ERICH5: variants seen among roughly 807,000 people sequenced by gnomAD.
ERICH5 encodes the protein glutamate-rich protein 5.
A neutral mutation model predicts 28.0 loss-of-function variants in ERICH5; 24 were observed. The observed-to-expected ratio is 0.86, with a 90% confidence interval of 0.62 to 1.21. The LOEUF (loss-of-function observed/expected upper bound fraction) is 1.21, where lower values mean the gene tolerates loss of function less well. ERICH5 is among the 50% of genes most tolerant of loss of function. The probability of loss-of-function intolerance (pLI) is 0.00; values close to 1 mark genes in which losing one functional copy is unlikely to be tolerated. For synonymous variants in ERICH5, 163 were observed against 157.6 expected (o/e 1.03, Z -0.25); for missense variants, 421 against 441.2 (o/e 0.95, Z 0.41).
chr8:98,079,451 C>T (rs1815131141), intron 1 of ERICH5, among the ~76,000 whole-genome samples: 1 of 152,080 alleles, frequency 6.6e-6, no homozygotes, highest in African/African-American at 2.4e-5. Flanking sequence ...CAGAATGAAA[C>T]ATTTATTTAT....
At chr8:98,080,954 C>T (rs577821701) in intron 1 of ERICH5, among the ~76,000 whole-genome samples, 187 of 152,154 alleles carry the variant, frequency 1.2e-3, no homozygotes, top group African/African-American at 4.4e-3. Flanking sequence ...TTGCCCGCCT[C>T]GGCCTCCCAA....
intron 2 of ERICH5, among the ~76,000 whole-genome samples, chr8:98,091,846 TTCTTTCTTTC>T (rs1279873278): frequency 5.2e-5 from 4 of 76,990 alleles, no homozygotes; most frequent in African/African-American, 1.9e-4. Flanking sequence ...TTTTCTTTCT[TTCTTTCTTTC>T]TTTCTTTCTT....
Position 98,093,276 on chromosome 8 carries a change from G to C in ERICH5, c.1068G>C (p.Gly356=). ...TGGAGAATGAGAAAGTGAGTGAAGG[G>C]GCTGAAACCAAAGAAGAAGAAACAG... ...TDMENEKVSE[G]AETKEEETGE... is the part of the protein sequence containing the mutation. The change falls in exon 3 of 3, where the codon GGG becomes GGC. Residue 356 remains glycine (G), a synonymous_variant. Coordinates refer to ENST00000318528, the MANE Select transcript of ERICH5 (RefSeq NM_173549.3). The C allele has an allele frequency of 6.2e-7, 1 of 1,613,910 alleles. No homozygotes were observed. The highest frequency in any genetic ancestry group is 8.5e-7 in the Non-Finnish European group (1 of 1,179,918).
chr8:98,071,526 T>G (rs1036756525), intron 1 of ERICH5, among the ~76,000 whole-genome samples: 1 of 152,144 alleles, frequency 6.6e-6, no homozygotes, highest in African/African-American at 2.4e-5. Flanking sequence ...TTGCCGAGGC[T>G]GGAGTGCAAT....
Position 98,064,709 on chromosome 8 carries a change from A to C in ERICH5, c.40A>C (p.Ser14Arg), listed in dbSNP as rs560394444. ...CAGCGCCCTCAACAAGGCCGGCGAC[A>C]GCAGCAGGTTCCCCAGCGGTGAGCA... is the stretch of plus-strand genomic sequence containing the variant. ...SSSALNKAGD[S>R]SRFPSVTSNE... The change falls in exon 1 of 3, where the codon AGC (serine) becomes CGC (arginine). Residue 14 changes from serine (S) to arginine (R), a missense_variant. Coordinates refer to ENST00000318528, the MANE Select transcript of ERICH5 (RefSeq NM_173549.3). 41 of 1,534,704 alleles carry C rather than the reference A, an allele frequency of 2.7e-5. No individual in the cohort carries two copies. The South Asian group carries it at 4.7e-4, about 17-fold the overall frequency.
intron 1 of ERICH5, among the ~76,000 whole-genome samples, chr8:98,086,136 A>G (rs780851084): frequency 6.6e-6 from 1 of 152,196 alleles, no homozygotes; most frequent in African/African-American, 2.4e-5. Context: ...AACCACTAAA[A>G]TGACAGTAAA....
intron 2 of ERICH5, among the ~76,000 whole-genome samples, chr8:98,091,480 G>T (rs1563759270): frequency 6.6e-6 from 1 of 152,172 alleles, no homozygotes; most frequent in Non-Finnish European, 1.5e-5. Context: ...ATCAGGATTG[G>T]CAAACTCAAA....
At chr8:98,066,099 T>C (rs1310799694) in intron 1 of ERICH5, among the ~76,000 whole-genome samples, 1 of 152,220 alleles carries the variant, frequency 6.6e-6, no homozygotes, top group Non-Finnish European at 1.5e-5. Context: ...TCATTTCTAA[T>C]GCACAGTGCT....
intron 2 of ERICH5, among the ~76,000 whole-genome samples, chr8:98,091,286 T>C (rs150852911): frequency 5.3e-5 from 8 of 152,286 alleles, no homozygotes; most frequent in Non-Finnish European, 1.0e-4. Context: ...AAACATATGC[T>C]AGGTGCTGAG....
chr8:98,071,750 T>A (rs1289914891), intron 1 of ERICH5, among the ~76,000 whole-genome samples: 2 of 152,152 alleles, frequency 1.3e-5, no homozygotes, highest in East Asian at 3.8e-4. Flanking sequence ...TCAGGGCTAT[T>A]GCTGTTTTTC....
Position 98,081,987 on chromosome 8 carries a change from A to G in ERICH5, c.59-7089A>G, listed in dbSNP as rs1815191226. On this transcript the variant is annotated intron_variant, in intron 1 of 2. Transcript: ENST00000318528. Reference sequence around the variant, plus strand: ...CTATAGGTGTCCTTTTCAAGGTCATAAAGTGTCTGTCCTCTTAGAGCAGAT... The same window carrying G: ...CTATAGGTGTCCTTTTCAAGGTCATGAAGTGTCTGTCCTCTTAGAGCAGAT... Among the ~76,000 whole-genome samples, 4 of 152,118 alleles carry G rather than the reference A, an allele frequency of 2.6e-5. No individual in the cohort carries two copies. The South Asian group carries it at 8.3e-4, about 31-fold the overall frequency.
Position 98,093,544 on chromosome 8 carries a change from A to G in ERICH5, c.*211A>G. 2.6e-6 allele frequency: 1 copy of G among 391,656 alleles called. No homozygotes were observed. The allele number at this position is 391,656 out of a possible 1,614,324, so 24.3% of individuals were successfully genotyped here. On this transcript the variant is annotated 3_prime_UTR_variant, in exon 3 of 3. Coordinates refer to ENST00000318528, the MANE Select transcript of ERICH5 (RefSeq NM_173549.3). Reference sequence around the variant, plus strand: ...TAAGCCATGAACAGTTTTCTTAGCTACTTAGAATGGTTATACATTTAAAAG... The same window carrying G: ...TAAGCCATGAACAGTTTTCTTAGCTGCTTAGAATGGTTATACATTTAAAAG...
At chr8:98,075,757 T>A (rs1445454907) in intron 1 of ERICH5, among the ~76,000 whole-genome samples, 5 of 145,398 alleles carry the variant, frequency 3.4e-5, no homozygotes, top group African/African-American at 7.5e-5. Flanking sequence ...AGTTGCTAAC[T>A]GCTAACTCCC....
intron 2 of ERICH5, among the ~76,000 whole-genome samples, chr8:98,091,900 C>CTTTCTTCCTTTCTTTCTTTCTTTCTTT: frequency 1.3e-5 from 1 of 74,676 alleles, no homozygotes; most frequent in African/African-American, 5.6e-5. Context: ...TTCTTTCTTT[C>CTTTCTTCCTTTCTTTCTTTCTTTCTTT]CTTTCTTTCT....
At chr8:98,083,182 G>T (rs1363737286) in intron 1 of ERICH5, among the ~76,000 whole-genome samples, 1 of 152,136 alleles carries the variant, frequency 6.6e-6, no homozygotes, top group Non-Finnish European at 1.5e-5. Flanking sequence ...GGATGAAAAT[G>T]GTTTGTCTCA....
chr8:98,088,950 A>G, intron 1 of ERICH5, 126 bp from the exon 2 acceptor site: 1 of 684,634 alleles, frequency 1.5e-6, no homozygotes. Flanking sequence ...TTCTGTACTC[A>G]GATATATTTG....
At chr8:98,069,381 GT>G (rs33925828) in intron 1 of ERICH5, among the ~76,000 whole-genome samples, 149,568 of 150,222 alleles carry the variant, frequency 1, 74,461 homozygotes, top group Non-Finnish European at 1. Context: ...TTATTTTAGG[GT>G]TTTTTTTTTT....
Position 98,091,039 on chromosome 8 carries a change from G to A in ERICH5, c.1012+1010G>A, listed in dbSNP as rs1815374376. ...TGCAACCTCCACCTTCTGCGTTCAAGCGATTCTCCCGCCTCAGCCTCCTGA... is the reference window on the plus strand; with the variant it reads ...TGCAACCTCCACCTTCTGCGTTCAAACGATTCTCCCGCCTCAGCCTCCTGA... On this transcript the variant is annotated intron_variant, in intron 2 of 2. Coordinates refer to ENST00000318528, the MANE Select transcript of ERICH5 (RefSeq NM_173549.3). 2.6e-5 allele frequency among the ~76,000 whole-genome samples: 4 copies of A among 152,238 alleles called. No homozygotes were observed. In the South Asian group the frequency reaches 8.3e-4, roughly 32 times the overall value.
intron 1 of ERICH5, among the ~76,000 whole-genome samples, chr8:98,067,883 C>T (rs2130505230): frequency 6.6e-6 from 1 of 152,212 alleles, no homozygotes; most frequent in East Asian, 1.9e-4. Flanking sequence ...GGATTATAGG[C>T]ATGAGCCACC....
Sources: gnomAD v4.1 joint callset for allele counts (sites outside exome capture counted in the v4.1 genomes callset) on GRCh38, gnomAD v4.1.1 for gene constraint, MANE v1.5 for transcripts, NCBI Gene and HGNC (gene_info 2026-07-23, HGNC 2026-07-21) for gene names.